GRB2: variants seen among roughly 807,000 people sequenced by gnomAD.
GRB2 encodes growth factor receptor bound protein 2.
Under a neutral mutation model 27.4 loss-of-function variants are expected in GRB2, and 2 were observed. That is an observed-to-expected ratio of 0.07 (90% CI 0.03 to 0.23). The LOEUF (loss-of-function observed/expected upper bound fraction) is 0.23, where lower values mean the gene tolerates loss of function less well. Ranked by LOEUF, GRB2 falls within the 10% of genes least tolerant of loss-of-function variation. The pLI, the probability that GRB2 is intolerant of heterozygous loss-of-function variation, is 1.00. For synonymous variants in GRB2, 94 were observed against 99.6 expected, an observed-to-expected ratio of 0.94 and a Z score of 0.33; for missense variants, 102 against 282.4, an observed-to-expected ratio of 0.36 and a Z score of 4.58.
intron 2 of GRB2, among the ~76,000 whole-genome samples, chr17:75,333,508 G>A (rs1394873333): frequency 6.6e-6 from 1 of 152,160 alleles, no homozygotes; most frequent in Non-Finnish European, 1.5e-5. Context: ...AGGTGTCACA[G>A]CAGAACTAAG....
chr17:75,394,776 C>T (rs747917679), intron 1 of GRB2: 5 of 152,126 alleles, frequency 3.3e-5, no homozygotes, highest in African/African-American at 9.7e-5. Flanking sequence ...CTTCTTAGAG[C>T]AAGCAGAGTA....
chr17:75,329,704 G>A (rs563306788), intron 3 of GRB2, among the ~76,000 whole-genome samples: 1 of 152,036 alleles, frequency 6.6e-6, no homozygotes, highest in East Asian at 1.9e-4. Context: ...ACCAGCCCGG[G>A]CAACACAGTG....
In GRB2 at chr17:75,397,048, A is replaced by G. The variant is rs148952512; in HGVS notation, c.-137-3283T>C. ...TCAGCTCATCTGCTGAAAGCTTAAA[A>G]AGAATAACCTTCTTGAAAGTCGTGT... On this transcript the variant is annotated intron_variant, in intron 1 of 5. Transcript: ENST00000316804. 5.3e-5 allele frequency among the ~76,000 whole-genome samples: 8 copies of G among 152,316 alleles called. No homozygotes were observed. In the East Asian group the frequency reaches 1.5e-3, roughly 29 times the overall value.
At chr17:75,364,552 A>G (rs2078807367) in intron 2 of GRB2, among the ~76,000 whole-genome samples, 1 of 152,098 alleles carries the variant, frequency 6.6e-6, no homozygotes, top group Non-Finnish European at 1.5e-5. Context: ...CCAATTCCAG[A>G]GTCCATGTCT....
intron 2 of GRB2, among the ~76,000 whole-genome samples, chr17:75,358,003 C>T (rs2078744768): frequency 6.6e-6 from 1 of 152,170 alleles, no homozygotes; most frequent in African/African-American, 2.4e-5. Context: ...GAGGCTGAGG[C>T]AAGACAATCG....
At chr17:75,383,155 G>C (rs950521895) in intron 2 of GRB2, among the ~76,000 whole-genome samples, 61 of 152,300 alleles carry the variant, frequency 4.0e-4, no homozygotes, top group Non-Finnish European at 2.1e-4. Context: ...TAAATACTAT[G>C]AGTTTTTCCC....
intron 2 of GRB2, among the ~76,000 whole-genome samples, chr17:75,364,540 G>C (rs2078807296): frequency 1.3e-5 from 2 of 152,022 alleles, no homozygotes; most frequent in Non-Finnish European, 2.9e-5. Flanking sequence ...ACCCAGGTCT[G>C]ACCAATTCCA....
rs933638212 is a variant in GRB2, at chr17:75,318,226, C to T, written c.*2142G>A. 3 of 152,226 alleles carry T rather than the reference C, an allele frequency of 2.0e-5. No individual in the cohort carries two copies. The highest frequency in any genetic ancestry group is 4.8e-5 in the African/African-American group (2 of 41,402). 9.4% of individuals were successfully genotyped at this position (152,226 alleles called of 1,614,324 possible). A position where few individuals can be genotyped will look rare whatever the true frequency, so the allele number is the denominator to read the frequency against. The stretch of plus-strand genomic sequence containing the variant: ...CACAAAACTTAGTTCAGCAAGGCTT[C>T]ATGATATACACCAATTCCAAAATAA... On this transcript the variant is annotated 3_prime_UTR_variant, in exon 6 of 6. Transcript: ENST00000316804.
chr17:75,352,808 GT>G (rs1277177964), intron 2 of GRB2, among the ~76,000 whole-genome samples: 1 of 151,316 alleles, frequency 6.6e-6, no homozygotes, highest in East Asian at 1.9e-4. Flanking sequence ...AAAATTTCCA[GT>G]TTTCTCTAGT....
intron 2 of GRB2, among the ~76,000 whole-genome samples, chr17:75,337,869 T>TTTTACTACC (rs1339995740): frequency 9.6e-6 from 1 of 104,458 alleles, no homozygotes; most frequent in East Asian, 3.2e-4. Context: ...CCCGGCCTAC[T>TTTTACTACC]ATTACTACTA....
intron 2 of GRB2, among the ~76,000 whole-genome samples, chr17:75,379,629 A>G (rs1469056100): frequency 6.6e-6 from 1 of 152,004 alleles, no homozygotes; most frequent in Non-Finnish European, 1.5e-5. Context: ...TGAACTCCTG[A>G]GCTCAAGTGG....
At position 75,397,149 on chromosome 17, in the gene GRB2, A is replaced by T. The variant is rs143728870; in HGVS notation, c.-137-3384T>A. Among the ~76,000 whole-genome samples the T allele has an allele frequency of 3.0e-3, 454 of 152,314 alleles. 4 individuals are homozygous for T. The highest frequency in any genetic ancestry group is 0.011 in the African/African-American group (438 of 41,566). On this transcript the variant is annotated intron_variant, in intron 1 of 5. Transcript: ENST00000316804. ...CCCTACTTCCATGGCTGTGCTGAGT[A>T]AAAAAACAGAAAACTCAAAGAGGAA...
chr17:75,388,192 G>A lies in GRB2; in HGVS notation c.78+5359C>T, dbSNP rs542272760. On this transcript the variant is annotated intron_variant, in intron 2 of 5. Transcript: ENST00000316804. ...GCTCACTGGAACCTCCACATCCCGGGTTCAAGCGATTCTCCTCCCTCAGCC... is the reference window on the plus strand; with the variant it reads ...GCTCACTGGAACCTCCACATCCCGGATTCAAGCGATTCTCCTCCCTCAGCC... 3.9e-4 allele frequency among the ~76,000 whole-genome samples: 60 copies of A among 152,078 alleles called. 1 individual carries two copies. The highest frequency in any genetic ancestry group is 1.3e-3 in the African/African-American group (55 of 41,470).
intron 2 of GRB2, among the ~76,000 whole-genome samples, chr17:75,386,027 GA>G (rs1212971794): frequency 6.6e-6 from 1 of 151,782 alleles, no homozygotes; most frequent in African/African-American, 2.4e-5. Flanking sequence ...AGTATTGGCA[GA>G]AAAAAATTTT....
chr17:75,346,305 C>T (rs1215074739), intron 2 of GRB2, among the ~76,000 whole-genome samples: 1 of 151,792 alleles, frequency 6.6e-6, no homozygotes, highest in African/African-American at 2.4e-5. Flanking sequence ...ACCCGCCTGG[C>T]CAACATGGTA....
chr17:75,366,726 C>CA (rs2078822492), intron 2 of GRB2, among the ~76,000 whole-genome samples: 1 of 152,062 alleles, frequency 6.6e-6, no homozygotes, highest in African/African-American at 2.4e-5. Flanking sequence ...GGGAGGATCA[C>CA]CTCTGAGCCC....
At chr17:75,354,792 G>T (rs914473874) in intron 2 of GRB2, among the ~76,000 whole-genome samples, 1 of 152,178 alleles carries the variant, frequency 6.6e-6, no homozygotes. Context: ...TTTTAAAAAG[G>T]AAAAACTTAA....
intron 2 of GRB2, among the ~76,000 whole-genome samples, chr17:75,357,098 G>A (rs538965311): frequency 1.1e-4 from 17 of 152,142 alleles, no homozygotes; most frequent in South Asian, 2.1e-4. Context: ...TTCCTAATCC[G>A]TCTCACTGCT....
intron 2 of GRB2, among the ~76,000 whole-genome samples, chr17:75,362,835 G>A (rs1204206180): frequency 3.3e-5 from 5 of 152,184 alleles, no homozygotes; most frequent in African/African-American, 1.2e-4. Context: ...CTCCAGCCAA[G>A]CTCACCCAAT....
Sources: allele counts gnomAD v4.1 joint callset (sites outside exome capture counted in the v4.1 genomes callset), GRCh38; gene constraint gnomAD v4.1.1; transcripts MANE v1.5; gene names NCBI Gene and HGNC (gene_info 2026-07-23, HGNC 2026-07-21).